The following FSTL4 variants were observed in gnomAD, a reference collection of about 807,000 sequenced individuals.
The protein encoded by FSTL4 is follistatin like 4.
FSTL4 carries 28 observed loss-of-function variants against 78.2 expected under a neutral mutation model. The observed-to-expected ratio is 0.36, with a 90% CI of 0.27 to 0.49. The LOEUF (loss-of-function observed/expected upper bound fraction) is 0.49, where lower values mean the gene tolerates loss of function less well. Among genes scored for constraint, FSTL4 ranks in the 20% least tolerant of loss-of-function variants. The pLI is 0.98. For missense variants in FSTL4, 922 were observed against 1,084.9 expected (o/e 0.85, Z 2.11); for synonymous variants, 422 against 440.5 (o/e 0.96, Z 0.53).
At chr5:133,677,946 T>A in the FSTL4 span, among the ~76,000 whole-genome samples, 325 of 152,356 alleles carry the variant, frequency 2.1e-3, 3 homozygotes, top group South Asian at 8.7e-3. Context: ...TTGACAAAAT[T>A]GCATATATTT....
the FSTL4 span, among the ~76,000 whole-genome samples, chr5:133,704,144 A>G: frequency 6.6e-6 from 1 of 152,136 alleles, no homozygotes; most frequent in Non-Finnish European, 1.5e-5. Context: ...CTGGTAGCAG[A>G]GGGCCCTCTC....
chr5:133,751,186 A>G, the FSTL4 span, among the ~76,000 whole-genome samples: 1 of 152,142 alleles, frequency 6.6e-6, no homozygotes, highest in South Asian at 2.1e-4. Context: ...AAGGCCCCCA[A>G]GCAAGAGTTC....
At chr5:133,563,119 A>G (rs939244662) in intron 3 of FSTL4, among the ~76,000 whole-genome samples, 6 of 152,202 alleles carry the variant, frequency 3.9e-5, no homozygotes, top group African/African-American at 1.4e-4. Context: ...ATGAATATCC[A>G]GGGTCATACG....
At position 133,281,760 on chromosome 5, in the gene FSTL4, G is replaced by A. The variant is rs535390904; in HGVS notation, c.727+30894C>T. On this transcript the variant is annotated intron_variant, in intron 6 of 15. Coordinates refer to ENST00000265342, the MANE Select transcript of FSTL4 (RefSeq NM_015082.2). ...AGGGCAGTCCCAGCCCCCAGGACATGAAGAGGGGATATAGATTTTGGAGGA... is the reference window on the plus strand; with the variant it reads ...AGGGCAGTCCCAGCCCCCAGGACATAAAGAGGGGATATAGATTTTGGAGGA... Among the ~76,000 whole-genome samples, 153 of 152,326 alleles carry A rather than the reference G, an allele frequency of 1.0e-3. 3 individuals carry two copies. The highest frequency in any genetic ancestry group is 3.4e-3 in the African/African-American group (141 of 41,574).
At chr5:133,717,244 T>G in the FSTL4 span, among the ~76,000 whole-genome samples, 2 of 152,218 alleles carry the variant, frequency 1.3e-5, no homozygotes, top group Admixed American at 1.3e-4. Context: ...GATGGAATAC[T>G]ATGCAGCAAT....
At chr5:133,784,479 G>C in the FSTL4 span, among the ~76,000 whole-genome samples, 7 of 152,164 alleles carry the variant, frequency 4.6e-5, no homozygotes, top group African/African-American at 1.4e-4. Flanking sequence ...CATGTTATAA[G>C]CATAATGTGA....
At chr5:133,762,321 C>A in the FSTL4 span, among the ~76,000 whole-genome samples, 1 of 152,238 alleles carries the variant, frequency 6.6e-6, no homozygotes, top group East Asian at 1.9e-4. Context: ...TAAACAAGGG[C>A]CCAGCACAGG....
chr5:133,317,240 A>C (rs1221017719), intron 4 of FSTL4, among the ~76,000 whole-genome samples: 1 of 152,262 alleles, frequency 6.6e-6, no homozygotes, highest in East Asian at 1.9e-4. Flanking sequence ...CGAAGCACAC[A>C]GCTCGTTTTA....
intron 2 of FSTL4, among the ~76,000 whole-genome samples, chr5:133,573,149 CA>C (rs1217050362): frequency 6.6e-6 from 1 of 151,822 alleles, no homozygotes; most frequent in East Asian, 1.9e-4. Context: ...GAGGCTGAGG[CA>C]GAAGAATGGC....
At chr5:133,749,042 G>C in the FSTL4 span, among the ~76,000 whole-genome samples, 1 of 152,166 alleles carries the variant, frequency 6.6e-6, no homozygotes, top group Non-Finnish European at 1.5e-5. Context: ...AGGACATGCA[G>C]GTCAGAGGCA....
intron 14 of FSTL4, chr5:133,202,810 G>A (rs1750372003): frequency 6.6e-6 from 1 of 152,290 alleles, no homozygotes; most frequent in Non-Finnish European, 1.5e-5. Context: ...GGCTGCCTCT[G>A]TTTCCCTGGA....
At chr5:133,467,111 T>A (rs1052588202) in intron 3 of FSTL4, among the ~76,000 whole-genome samples, 1 of 151,848 alleles carries the variant, frequency 6.6e-6, no homozygotes, top group East Asian at 1.9e-4. Flanking sequence ...TGTATATATG[T>A]CTGAATATGT....
At chr5:133,498,998 T>TACACAC (rs142906885) in intron 3 of FSTL4, among the ~76,000 whole-genome samples, 3,174 of 147,048 alleles carry the variant, frequency 0.022, 56 homozygotes, top group African/African-American at 0.041. Context: ...AGCAACAAAT[T>TACACAC]ACACACACAC....
intron 5 of FSTL4, among the ~76,000 whole-genome samples, chr5:133,313,151 C>T (rs746479950): frequency 3.3e-5 from 5 of 152,184 alleles, no homozygotes; most frequent in Non-Finnish European, 7.3e-5. Flanking sequence ...ATCGGATAAA[C>T]CCAGCAAACA....
intron 3 of FSTL4, among the ~76,000 whole-genome samples, chr5:133,452,404 AGAGGG>A (rs1285731099): frequency 6.6e-6 from 1 of 152,268 alleles, no homozygotes; most frequent in East Asian, 1.9e-4. Context: ...AGGAATTCTT[AGAGGG>A]ATCTGCAGCC....
At chr5:133,421,019 T>TG (rs1756681551) in intron 3 of FSTL4, among the ~76,000 whole-genome samples, 1 of 152,198 alleles carries the variant, frequency 6.6e-6, no homozygotes, top group Non-Finnish European at 1.5e-5. Flanking sequence ...CCCTATCCCC[T>TG]GGGTGGTCTC....
At chr5:133,491,469 G>A (rs1205893339) in intron 3 of FSTL4, among the ~76,000 whole-genome samples, 2 of 149,254 alleles carry the variant, frequency 1.3e-5, no homozygotes, top group African/African-American at 2.5e-5. Flanking sequence ...GAACTATCTC[G>A]GCTCACTGCA....
At chr5:133,624,662 T>G in the FSTL4 span, among the ~76,000 whole-genome samples, 1 of 151,998 alleles carries the variant, frequency 6.6e-6, no homozygotes. Context: ...TCTGTTCCAC[T>G]GATCTATGTA....
the FSTL4 span, among the ~76,000 whole-genome samples, chr5:133,695,306 G>A: frequency 6.6e-6 from 1 of 152,048 alleles, no homozygotes; most frequent in Admixed American, 6.5e-5. Context: ...CCAGGTTCTG[G>A]CTCACATTCG....
Sources: gnomAD v4.1 joint callset for allele counts (sites outside exome capture counted in the v4.1 genomes callset) on GRCh38, gnomAD v4.1.1 for gene constraint, MANE v1.5 for transcripts, NCBI Gene and HGNC (gene_info 2026-07-23, HGNC 2026-07-21) for gene names.